The following CCDC149 variants were observed in gnomAD, a reference collection of about 807,000 sequenced individuals.
CCDC149 encodes coiled-coil domain-containing protein 149.
A neutral mutation model predicts 59.9 loss-of-function variants in CCDC149; 45 were observed. The ratio of observed to expected loss-of-function variants is 0.75; its 90% CI spans 0.59 to 0.96. The LOEUF is 0.96. CCDC149 is among the 40% of genes least tolerant of loss of function. The probability of loss-of-function intolerance (pLI) is 0.00; values close to 1 mark genes in which losing one functional copy is unlikely to be tolerated. For missense variants in CCDC149, 584 were observed against 664.7 expected (o/e 0.88, Z 1.33); for synonymous variants, 245 against 260.6 (o/e 0.94, Z 0.58).
chr4:24,963,752 T>C (rs1723714782), intron 1 of CCDC149, among the ~76,000 whole-genome samples: 1 of 152,244 alleles, frequency 6.6e-6, no homozygotes, highest in African/African-American at 2.4e-5. Flanking sequence ...GAATGAGATG[T>C]TGGAGTTATC....
chr4:24,885,848 A>G (rs1044630360), intron 1 of CCDC149, among the ~76,000 whole-genome samples: 10 of 152,146 alleles, frequency 6.6e-5, no homozygotes, highest in Non-Finnish European at 1.3e-4. Flanking sequence ...TGAAATTAGT[A>G]TTTTTTTGAA....
intron 1 of CCDC149, among the ~76,000 whole-genome samples, chr4:24,890,421 T>A (rs879471095): frequency 6.6e-6 from 1 of 152,180 alleles, no homozygotes; most frequent in Non-Finnish European, 1.5e-5. Context: ...GCCTGTCCCA[T>A]GCCCTTTCTG....
chr4:24,814,808 A>C (rs1714906733), intron 12 of CCDC149, among the ~76,000 whole-genome samples: 1 of 152,158 alleles, frequency 6.6e-6, no homozygotes, highest in Admixed American at 6.5e-5. Flanking sequence ...CTACCTGGCA[A>C]ACCAACTCCT....
At chr4:24,874,263 TTGTTTTTTTTTG>T (rs1157504154) in intron 2 of CCDC149, among the ~76,000 whole-genome samples, 2,099 of 30,270 alleles carry the variant, frequency 0.069, 123 homozygotes, top group Non-Finnish European at 0.12. Context: ...TTTTTTTGTT[TTGTTTTTTTTTG>T]TTTTTTTGCC....
In CCDC149 at chr4:24,838,214, T is replaced by G. The variant is rs771232729; in HGVS notation, c.431A>C (p.His144Pro). The G allele has an allele frequency of 6.2e-7, 1 of 1,614,198 alleles. No individual in the cohort carries two copies. Among genetic ancestry groups the G allele is most frequent in the Non-Finnish European group, 8.5e-7 (1 of 1,180,030 alleles). ...GTCTTCACGCTCATGGGCTGCAAAG[T>G]GTCGCACGCCGATTGCTTCGTCTCC... The change falls in exon 5 of 13, where the codon CAC becomes CCC. Residue 144 changes from histidine (H) to proline (P), a missense_variant. By Grantham distance (77) the His-to-Pro change is moderately conservative (BLOSUM62 -2). Coordinates refer to ENST00000635206, the MANE Select transcript of CCDC149 (RefSeq NM_001330643.2).
At chr4:24,967,898 A>C (rs1354717554) in intron 1 of CCDC149, among the ~76,000 whole-genome samples, 1 of 152,088 alleles carries the variant, frequency 6.6e-6, no homozygotes, top group East Asian at 1.9e-4. Flanking sequence ...CCCAGAGGCT[A>C]TCATTGATAA....
At chr4:24,927,774 A>G (rs1486456708) in intron 1 of CCDC149, among the ~76,000 whole-genome samples, 1 of 152,188 alleles carries the variant, frequency 6.6e-6, no homozygotes, top group African/African-American at 2.4e-5. Context: ...ACTCATGCAC[A>G]CACACACACA....
At chr4:24,834,491 C>T (rs1209655182) in intron 8 of CCDC149, among the ~76,000 whole-genome samples, 3 of 152,066 alleles carry the variant, frequency 2.0e-5, no homozygotes, top group South Asian at 2.1e-4. Flanking sequence ...CTTTTCTGAT[C>T]GTAGAGGCCG....
chr4:24,861,560 C>T (rs187589614), intron 3 of CCDC149, among the ~76,000 whole-genome samples: 1 of 151,840 alleles, frequency 6.6e-6, no homozygotes, highest in Admixed American at 6.6e-5. Flanking sequence ...ATGGGTGCAC[C>T]AAAATCTAAG....
chr4:24,898,383 T>A (rs1465949368), intron 1 of CCDC149, among the ~76,000 whole-genome samples: 1 of 152,038 alleles, frequency 6.6e-6, no homozygotes, highest in African/African-American at 2.4e-5. Context: ...GCTACATATT[T>A]CTGGAGCTTG....
At chr4:24,857,785 T>C (rs1236866865) in intron 3 of CCDC149, among the ~76,000 whole-genome samples, 1 of 152,200 alleles carries the variant, frequency 6.6e-6, no homozygotes, top group Non-Finnish European at 1.5e-5. Flanking sequence ...GTGAGTTCAC[T>C]GTAAATCTAC....
chr4:24,846,346 C>T (rs1384651799), intron 4 of CCDC149, among the ~76,000 whole-genome samples: 2 of 152,114 alleles, frequency 1.3e-5, no homozygotes, highest in Non-Finnish European at 2.9e-5. Flanking sequence ...TCTATAGTGC[C>T]CCAAGGCGAG....
chr4:24,920,669 C>T (rs1354980728), intron 1 of CCDC149, among the ~76,000 whole-genome samples: 1 of 152,188 alleles, frequency 6.6e-6, no homozygotes, highest in Non-Finnish European at 1.5e-5. Flanking sequence ...GATTTGATGA[C>T]CTCCATCTTT....
At chr4:24,880,550 A>G (rs1719776288) in intron 1 of CCDC149, among the ~76,000 whole-genome samples, 1 of 152,232 alleles carries the variant, frequency 6.6e-6, no homozygotes. Flanking sequence ...ATTCCCTGTA[A>G]TGACAGCTGT....
chr4:24,928,731 C>T (rs1461764918), intron 1 of CCDC149, among the ~76,000 whole-genome samples: 1 of 152,102 alleles, frequency 6.6e-6, no homozygotes, highest in Non-Finnish European at 1.5e-5. Context: ...TAATTTGTTA[C>T]AGCAACCCTA....
intron 1 of CCDC149, among the ~76,000 whole-genome samples, chr4:24,949,321 G>A (rs969071859): frequency 1.4e-4 from 21 of 151,920 alleles, no homozygotes; most frequent in Non-Finnish European, 2.4e-4. Context: ...TGGGGCTTCC[G>A]TGCACACAGT....
At chr4:24,895,043 G>A (rs572240780) in intron 1 of CCDC149, 145 of 1,531,534 alleles carry the variant, frequency 9.5e-5, no homozygotes, top group Middle Eastern at 1.7e-4. Context: ...TGACGACGAC[G>A]ATGACGACCA....
intron 1 of CCDC149, among the ~76,000 whole-genome samples, chr4:24,931,694 G>A (rs1181045342): frequency 6.6e-6 from 1 of 151,496 alleles, no homozygotes; most frequent in Non-Finnish European, 1.5e-5. Flanking sequence ...ATATTTTTAT[G>A]AGCATTATTG....
chr4:24,808,231 T>G lies in CCDC149; in HGVS notation c.*158A>C. ...AATAAATCAAACTGTACTGGCATCA[T>G]CAGAATATTCACAGTTTGCAACAGG... On this transcript the variant is annotated 3_prime_UTR_variant, in exon 13 of 13. Transcript: ENST00000635206. The G allele has an allele frequency of 1.8e-6, 1 of 569,558 alleles. No homozygotes were observed. Among genetic ancestry groups the G allele is most frequent in the Non-Finnish European group, 2.9e-6 (1 of 346,498 alleles). The allele number at this position is 569,558 out of a possible 1,614,324, so 35.3% of individuals were successfully genotyped here. A position where few individuals can be genotyped will look rare whatever the true frequency, so the allele number is the denominator to read the frequency against.
Sources: allele counts gnomAD v4.1 joint callset (sites outside exome capture counted in the v4.1 genomes callset), GRCh38; gene constraint gnomAD v4.1.1; transcripts MANE v1.5; gene names NCBI Gene and HGNC (gene_info 2026-07-23, HGNC 2026-07-21).